The following CGNL1 variants were observed in gnomAD, a reference collection of about 807,000 sequenced individuals.
CGNL1 encodes cingulin like 1.
A neutral mutation model predicts 141.2 loss-of-function variants in CGNL1; 132 were observed. The observed-to-expected ratio is 0.93, with a 90% CI of 0.81 to 1.08. CGNL1 has a LOEUF of 1.08. CGNL1 is among the 50% of genes least tolerant of loss of function. The pLI is 0.00. For missense variants in CGNL1, 1,870 were observed against 1,588.6 expected (o/e 1.18, Z -3.01); for synonymous variants, 690 against 622.1 (o/e 1.11, Z -1.63).
intron 4 of CGNL1, among the ~76,000 whole-genome samples, chr15:57,445,504 A>G (rs1320120881): frequency 6.6e-6 from 1 of 152,204 alleles, no homozygotes; most frequent in Non-Finnish European, 1.5e-5. Context: ...AGGGACGGAG[A>G]CCATACTGGA....
chr15:57,415,666 GGC>G (rs2062840269), intron 1 of CGNL1, among the ~76,000 whole-genome samples: 2 of 152,196 alleles, frequency 1.3e-5, no homozygotes, highest in Admixed American at 1.3e-4. Flanking sequence ...CCCATTTGGA[GGC>G]AGGGTTGTTC....
chr15:57,439,347 G>C lies in CGNL1; in HGVS notation c.1348G>C (p.Ala450Pro). Reference sequence around the variant, plus strand: ...CCGCACCTTTGCAAAGCTGCAGGGAGCAGCGCACGGGGCTTCATGTGCCCA... The same window carrying C: ...CCGCACCTTTGCAAAGCTGCAGGGACCAGCGCACGGGGCTTCATGTGCCCA... ...VGRTFAKLQGAAHGASCAHSR... is the reference protein window; with the variant it reads ...VGRTFAKLQGPAHGASCAHSR... The change falls in exon 2 of 19, where the codon GCA becomes CCA. Residue 450 changes from alanine to proline, a missense_variant. Physicochemically the swap from Ala to Pro is conservative, Grantham distance 27. Coordinates refer to ENST00000281282, the MANE Select transcript of CGNL1 (RefSeq NM_032866.5). 8 of 1,614,134 alleles carry C rather than the reference G, an allele frequency of 5.0e-6. No individual in the cohort carries two copies. The highest frequency in any genetic ancestry group is 6.8e-6 in the Non-Finnish European group (8 of 1,180,042).
intron 1 of CGNL1, among the ~76,000 whole-genome samples, chr15:57,430,337 C>T (rs1207819876): frequency 2.0e-5 from 3 of 151,998 alleles, no homozygotes; most frequent in African/African-American, 7.2e-5. Context: ...TTAGCTCTGC[C>T]CTGGTAGGAG....
intron 8 of CGNL1, among the ~76,000 whole-genome samples, chr15:57,511,202 A>T (rs1475961426): frequency 6.6e-6 from 1 of 152,274 alleles, no homozygotes; most frequent in East Asian, 1.9e-4. Flanking sequence ...ATAGTCAGTC[A>T]TTGTTACCAG....
At chr15:57,518,703 G>A (rs1186774119) in intron 10 of CGNL1, among the ~76,000 whole-genome samples, 5 of 152,178 alleles carry the variant, frequency 3.3e-5, no homozygotes, top group African/African-American at 1.2e-4. Context: ...GACAATTTTG[G>A]TTGTCACAAC....
At chr15:57,517,089 T>A in intron 9 of CGNL1, 103 bp downstream of exon 9, 1 of 1,138,614 alleles carries the variant, frequency 8.8e-7, no homozygotes, top group Non-Finnish European at 1.3e-6. Context: ...CATGATGTAG[T>A]AGGAAAGGTC....
chr15:57,453,812 G>C lies in CGNL1; in HGVS notation c.2184G>C (p.Leu728=). 6.2e-7 allele frequency: 1 copy of C among 1,613,458 alleles called. No individual in the cohort carries two copies. Residue 728 remains leucine, a synonymous_variant, in exon 7 of 19, where the codon CTG becomes CTC. Coordinates refer to ENST00000281282, the MANE Select transcript of CGNL1 (RefSeq NM_032866.5). ...CGGAGGACAGGGAGAAGGGAGCTCT[G>C]ATTGAGGTAAGCAGGGCTGTGGGGT... ...KRSEDREKGA[L]IEELLQAKQD... is the part of the protein sequence containing the mutation.
intron 1 of CGNL1, among the ~76,000 whole-genome samples, chr15:57,422,632 C>A (rs2062928751): frequency 6.6e-6 from 1 of 152,114 alleles, no homozygotes; most frequent in African/African-American, 2.4e-5. Context: ...TAGATGAGTA[C>A]TTGGTACATA....
At chr15:57,480,870 G>T (rs1162910763) in intron 8 of CGNL1, among the ~76,000 whole-genome samples, 3 of 152,086 alleles carry the variant, frequency 2.0e-5, no homozygotes, top group Non-Finnish European at 2.9e-5. Flanking sequence ...CTCACCAGTT[G>T]GTTTAGGCCA....
chr15:57,511,203 T>C (rs1410221687), intron 8 of CGNL1, among the ~76,000 whole-genome samples: 1 of 152,232 alleles, frequency 6.6e-6, no homozygotes, highest in African/African-American at 2.4e-5. Flanking sequence ...TAGTCAGTCA[T>C]TGTTACCAGT....
intron 6 of CGNL1, among the ~76,000 whole-genome samples, chr15:57,453,115 T>TC (rs1191587648): frequency 1.3e-5 from 2 of 152,190 alleles, no homozygotes; most frequent in Non-Finnish European, 2.9e-5. Flanking sequence ...AACTTTTTTT[T>TC]CATCAGGTGG....
At chr15:57,453,610 G>T in intron 6 of CGNL1, 73 bp from the exon 7 acceptor site, 5 of 1,580,282 alleles carry the variant, frequency 3.2e-6, no homozygotes, top group Non-Finnish European at 4.3e-6. Context: ...ACCCTCTGAA[G>T]ATCAGAAATC....
chr15:57,545,988 TG>T, intron 17 of CGNL1, 87 bp from the exon 18 acceptor site: 2 of 1,457,986 alleles, frequency 1.4e-6, no homozygotes, highest in Non-Finnish European at 9.3e-7. Flanking sequence ...CTTGGTTGCC[TG>T]GGGAGATGGT....
At chr15:57,392,721 AG>A (rs1386236507) in intron 1 of CGNL1, among the ~76,000 whole-genome samples, 1 of 152,188 alleles carries the variant, frequency 6.6e-6, no homozygotes, top group East Asian at 1.9e-4. Context: ...TTTACAACTG[AG>A]GGTAGAGCAA....
rs1463806750 is a variant in CGNL1, at chr15:57,438,251, G to A, written c.252G>A (p.Leu84=). ...PPFPPPVINN[L]PLHSSNGSVP... ...TTCCACCTCCAGTGATAAATAACCT[G>A]CCTCTACATTCCAGCAATGGTTCTG... The change falls in exon 2 of 19, where the codon CTG becomes CTA. Residue 84 remains leucine, a synonymous_variant. Transcript: ENST00000281282. The A allele has an allele frequency of 1.2e-6, 2 of 1,614,142 alleles. No homozygotes were observed. Among genetic ancestry groups the A allele is most frequent in the Non-Finnish European group, 8.5e-7 (1 of 1,180,038 alleles).
At chr15:57,452,552 A>T (rs1595719140) in intron 6 of CGNL1, among the ~76,000 whole-genome samples, 1 of 152,142 alleles carries the variant, frequency 6.6e-6, no homozygotes, top group African/African-American at 2.4e-5. Flanking sequence ...TGGACCTCCT[A>T]GCAGGTAAGT....
intron 1 of CGNL1, among the ~76,000 whole-genome samples, chr15:57,437,616 C>G (rs1195568695): frequency 3.7e-4 from 5 of 13,482 alleles, no homozygotes; most frequent in African/African-American, 1.7e-3. Context: ...ACCAACTAAA[C>G]AGCAAAAAAA....
chr15:57,437,382 A>T (rs2063117593), intron 1 of CGNL1, among the ~76,000 whole-genome samples: 2 of 152,194 alleles, frequency 1.3e-5, no homozygotes, highest in Admixed American at 6.5e-5. Flanking sequence ...AGTGTTGGAA[A>T]CATTATATTC....
At chr15:57,442,922 C>G (rs34216268) in intron 4 of CGNL1, among the ~76,000 whole-genome samples, 7,803 of 152,258 alleles carry the variant, frequency 0.051, 251 homozygotes, top group Non-Finnish European at 0.078. Flanking sequence ...CTTGGCCTTT[C>G]CCAGCCTTTT....
Sources: allele counts gnomAD v4.1 joint callset (sites outside exome capture counted in the v4.1 genomes callset), GRCh38; gene constraint gnomAD v4.1.1; transcripts MANE v1.5; gene names NCBI Gene and HGNC (gene_info 2026-07-23, HGNC 2026-07-21).